PICALM: variants seen among roughly 807,000 people sequenced by gnomAD.
The protein encoded by PICALM is phosphatidylinositol binding clathrin assembly protein.
PICALM carries 40 observed loss-of-function variants against 80.5 expected under a neutral mutation model. The observed-to-expected ratio is 0.50, with a 90% confidence interval of 0.39 to 0.65. The LOEUF (loss-of-function observed/expected upper bound fraction) is 0.65, where lower values mean the gene tolerates loss of function less well. Ranked by LOEUF, PICALM falls within the 30% of genes least tolerant of loss-of-function variation. PICALM has a pLI of 0.00. For synonymous variants in PICALM, 288 were observed against 260.3 expected (o/e 1.11, Z -1.02); for missense variants, 676 against 778.9 (o/e 0.87, Z 1.57).
Position 85,974,919 on chromosome 11 carries a change from C to T in PICALM, c.1840-107G>A, listed in dbSNP as rs180798380. 92 of 764,014 alleles carry T rather than the reference C, an allele frequency of 1.2e-4. No individual in the cohort carries two copies. The African/African-American group carries it at 1.4e-3, about 12-fold the overall frequency. 47.3% of individuals were successfully genotyped at this position (764,014 alleles called of 1,614,324 possible). On this transcript the variant is annotated intron_variant, in intron 18 of 19. Transcript: ENST00000393346. Reference sequence around the variant, plus strand: ...GACAGGTCCTAGTACCTTTGCTTGACTCAAAGGGTAACTTCCTCTGAATAT... The same window carrying T: ...GACAGGTCCTAGTACCTTTGCTTGATTCAAAGGGTAACTTCCTCTGAATAT...
intron 1 of PICALM, among the ~76,000 whole-genome samples, chr11:86,064,667 AAAG>A (rs2096417581): frequency 6.6e-6 from 1 of 151,824 alleles, no homozygotes; most frequent in South Asian, 2.1e-4. Flanking sequence ...AAAAAAAAAA[AAAG>A]GAGACATTAC....
chr11:85,979,613 C>T (rs901806711), intron 17 of PICALM, among the ~76,000 whole-genome samples: 3 of 152,046 alleles, frequency 2.0e-5, no homozygotes, highest in African/African-American at 7.3e-5. Flanking sequence ...TATTACTTTC[C>T]ATTTATGAAG....
chr11:85,965,893 T>C (rs992375103), intron 19 of PICALM, among the ~76,000 whole-genome samples: 58 of 140,596 alleles, frequency 4.1e-4, no homozygotes, highest in Admixed American at 7.5e-4. Flanking sequence ...CTCAGCTCAC[T>C]GCAACCTTCG....
chr11:86,007,034 C>G (rs551169210), intron 8 of PICALM, among the ~76,000 whole-genome samples: 36 of 152,238 alleles, frequency 2.4e-4, no homozygotes, highest in African/African-American at 8.4e-4. Context: ...CCCAAAGTCA[C>G]AGGGCCAGCT....
intron 3 of PICALM, chr11:86,023,477 T>A (rs375844007): frequency 2.0e-6 from 2 of 985,228 alleles, no homozygotes; most frequent in East Asian, 1.1e-4. Flanking sequence ...TTCATATGGT[T>A]CTATCTACTA....
At chr11:86,049,992 G>C (rs1451667770) in intron 1 of PICALM, among the ~76,000 whole-genome samples, 1 of 151,658 alleles carries the variant, frequency 6.6e-6, no homozygotes, top group African/African-American at 2.4e-5. Flanking sequence ...CTGAAGTCAG[G>C]AGTTCACAAC....
At chr11:85,983,754 T>C in intron 14 of PICALM, 112 bp downstream of exon 14, 1 of 504,004 alleles carries the variant, frequency 2.0e-6, no homozygotes, top group Non-Finnish European at 3.5e-6. Context: ...GACAATTTCT[T>C]TGGCTACCCC....
chr11:85,959,957 T>A (rs1417484416), intron 19 of PICALM, among the ~76,000 whole-genome samples: 1 of 152,124 alleles, frequency 6.6e-6, no homozygotes, highest in East Asian at 1.9e-4. Flanking sequence ...TATTTTTTCA[T>A]GACAAGTTCA....
chr11:85,993,603 T>G (rs906596107), intron 12 of PICALM, among the ~76,000 whole-genome samples: 7 of 151,982 alleles, frequency 4.6e-5, no homozygotes, highest in Non-Finnish European at 1.0e-4. Context: ...CACACCCAGC[T>G]AATTTTTACA....
chr11:86,056,141 A>AAAAAAAAAG (rs1467395217), intron 1 of PICALM, among the ~76,000 whole-genome samples: 7 of 147,692 alleles, frequency 4.7e-5, no homozygotes, highest in Non-Finnish European at 3.0e-5. Context: ...TCTTTAAAAA[A>AAAAAAAAAG]AAAAAAAAAG....
intron 1 of PICALM, among the ~76,000 whole-genome samples, chr11:86,032,619 C>A (rs1022464599): frequency 1.3e-5 from 2 of 152,018 alleles, no homozygotes; most frequent in African/African-American, 4.8e-5. Context: ...GAGTGAGACT[C>A]TGCCTCAATA....
rs578103611 is a variant in PICALM, at chr11:86,028,829, T to A, written c.274-2462A>T. Among the ~76,000 whole-genome samples the A allele has an allele frequency of 2.5e-4, 33 of 134,432 alleles. No individual in the cohort carries two copies. In the East Asian group the frequency reaches 6.4e-3, roughly 26 times the overall value. 88.2% of individuals were successfully genotyped at this position (134,432 alleles called of 152,430 possible). ...GGAGACTGCTCTGTGCATTACTGTT[T>A]TTAATTTTCTTTTTTTTTTTTTTTT... On this transcript the variant is annotated intron_variant, in intron 2 of 19. Transcript: ENST00000393346.
Position 86,026,371 on chromosome 11 carries a change from G to GAA in PICALM, c.274-6_274-5dup. On this transcript the variant is annotated splice_region_variant and splice_polypyrimidine_tract_variant and intron_variant, in intron 2 of 19. Coordinates refer to ENST00000393346, the MANE Select transcript of PICALM (RefSeq NM_007166.4). ...AAGCCAAATACTGAATAAAACGCTG[G>GAA]AAAAAAAAAATTACATCATATTAAG... 1.7e-5 allele frequency: 25 copies of GAA among 1,499,880 alleles called. No homozygotes were observed. Among genetic ancestry groups the GAA allele is most frequent in the Non-Finnish European group, 2.0e-5 (22 of 1,102,086 alleles). 92.9% of individuals were successfully genotyped at this position (1,499,880 alleles called of 1,614,324 possible).
intron 17 of PICALM, among the ~76,000 whole-genome samples, chr11:85,980,731 C>A (rs1184225828): frequency 6.6e-6 from 1 of 152,078 alleles, no homozygotes; most frequent in Non-Finnish European, 1.5e-5. Context: ...GACATATGTT[C>A]TATAGTTAGG....
intron 4 of PICALM, among the ~76,000 whole-genome samples, chr11:86,021,478 C>T (rs2095561221): frequency 6.8e-6 from 1 of 147,330 alleles, no homozygotes; most frequent in Non-Finnish European, 1.5e-5. Flanking sequence ...TTCACACCCA[C>T]TAGGATGGCT....
intron 3 of PICALM, among the ~76,000 whole-genome samples, chr11:86,023,965 T>G (rs138404502): frequency 0.013 from 2,035 of 152,122 alleles, 23 homozygotes; most frequent in Non-Finnish European, 0.021. Flanking sequence ...CTCTACAAAA[T>G]ATTTAAGAAT....
At chr11:86,039,284 T>G (rs1057128845) in intron 1 of PICALM, among the ~76,000 whole-genome samples, 2 of 152,122 alleles carry the variant, frequency 1.3e-5, no homozygotes, top group Non-Finnish European at 2.9e-5. Context: ...AGTCAGCTAC[T>G]TGGAAGGCTG....
At chr11:85,976,766 ACT>A in intron 17 of PICALM, 84 bp from the exon 18 acceptor site, 1 of 788,350 alleles carries the variant, frequency 1.3e-6, no homozygotes. Context: ...CTGTAGTTCC[ACT>A]AAAAAGAATT....
At chr11:85,959,312 A>C (rs1250182579) in intron 19 of PICALM, among the ~76,000 whole-genome samples, 2 of 145,854 alleles carry the variant, frequency 1.4e-5, no homozygotes, top group Non-Finnish European at 3.0e-5. Flanking sequence ...TCTGCTGTCT[A>C]GGCTGGATTG....
Sources: allele counts gnomAD v4.1 joint callset (sites outside exome capture counted in the v4.1 genomes callset), GRCh38; gene constraint gnomAD v4.1.1; transcripts MANE v1.5; gene names NCBI Gene and HGNC (gene_info 2026-07-23, HGNC 2026-07-21).